Variants in SDCCAG8 observed in about 807,000 individuals in gnomAD.
SDCCAG8 encodes SHH signaling and ciliogenesis regulator SDCCAG8.
In SDCCAG8, 74 loss-of-function variants were observed where a neutral mutation model predicts 101.8. The observed-to-expected ratio is 0.73, with a 90% CI of 0.60 to 0.88. SDCCAG8 has a LOEUF of 0.88. SDCCAG8 is among the 40% of genes least tolerant of loss of function. SDCCAG8 has a pLI of 0.00. For synonymous variants in SDCCAG8, 281 were observed against 292.9 expected, an observed-to-expected ratio of 0.96 and a Z score of 0.41; for missense variants, 787 against 822.6, an observed-to-expected ratio of 0.96 and a Z score of 0.53.
intron 17 of SDCCAG8, among the ~76,000 whole-genome samples, chr1:243,495,853 T>C (rs76578705): frequency 0.014 from 2,158 of 152,258 alleles, 58 homozygotes; most frequent in African/African-American, 0.048. Context: ...TCCGTAGATA[T>C]CAAACTGGCT....
At chr1:243,483,952 C>A (rs1030829674) in intron 16 of SDCCAG8, among the ~76,000 whole-genome samples, 1 of 152,308 alleles carries the variant, frequency 6.6e-6, no homozygotes, top group East Asian at 1.9e-4. Flanking sequence ...CTTTGCCAAC[C>A]CTTCCCAGGC....
At chr1:243,432,398 G>C (rs1343015695) in intron 16 of SDCCAG8, among the ~76,000 whole-genome samples, 2 of 152,174 alleles carry the variant, frequency 1.3e-5, no homozygotes, top group Admixed American at 1.3e-4. Flanking sequence ...GGTGGAAGAA[G>C]GGAGAGGATC....
intron 10 of SDCCAG8, among the ~76,000 whole-genome samples, chr1:243,338,199 G>A (rs2075141874): frequency 1.3e-5 from 2 of 152,158 alleles, no homozygotes; most frequent in East Asian, 3.9e-4. Context: ...CCAAGCATGA[G>A]CCACAGTGCC....
intron 8 of SDCCAG8, among the ~76,000 whole-genome samples, chr1:243,311,960 C>T (rs2072768007): frequency 6.6e-6 from 1 of 152,182 alleles, no homozygotes; most frequent in African/African-American, 2.4e-5. Flanking sequence ...GAGCTCTTAG[C>T]CTCTTAAAGT....
intron 13 of SDCCAG8, among the ~76,000 whole-genome samples, chr1:243,399,691 G>C (rs1169730765): frequency 6.6e-6 from 1 of 152,016 alleles, no homozygotes; most frequent in Non-Finnish European, 1.5e-5. Context: ...AATTTTAGTA[G>C]AGACGAGATT....
chr1:243,408,070 AAATT>A (rs1180162519), intron 13 of SDCCAG8, among the ~76,000 whole-genome samples: 1 of 152,230 alleles, frequency 6.6e-6, no homozygotes, highest in Non-Finnish European at 1.5e-5. Flanking sequence ...TAATAATAAT[AAATT>A]CTTGCAAAAA....
chr1:243,439,116 T>C (rs2082350236), intron 16 of SDCCAG8, among the ~76,000 whole-genome samples: 1 of 152,302 alleles, frequency 6.6e-6, no homozygotes, highest in Middle Eastern at 3.4e-3. Flanking sequence ...TGTGATAATG[T>C]GTTACAATAC....
At chr1:243,405,523 TC>T (rs1346591398) in intron 13 of SDCCAG8, among the ~76,000 whole-genome samples, 1 of 152,176 alleles carries the variant, frequency 6.6e-6, no homozygotes, top group Non-Finnish European at 1.5e-5. Flanking sequence ...TGAGCAACGA[TC>T]CATAGGCACT....
chr1:243,348,296 G>A (rs908365006), intron 12 of SDCCAG8, among the ~76,000 whole-genome samples: 1 of 149,378 alleles, frequency 6.7e-6, no homozygotes, highest in Admixed American at 6.7e-5. Context: ...TTGATCCGCC[G>A]GCCTCGGCCT....
At chr1:243,393,461 T>G (rs1158656987) in intron 13 of SDCCAG8, among the ~76,000 whole-genome samples, 1 of 150,038 alleles carries the variant, frequency 6.7e-6, no homozygotes, top group Non-Finnish European at 1.5e-5. Context: ...GATAAGACCT[T>G]GCAATGTCTT....
Position 243,270,152 on chromosome 1 carries a change from G to A in SDCCAG8, c.115G>A (p.Gly39Ser), listed in dbSNP as rs756642876. ...CCAACTGACATGTGCCCTGAAAGAA[G>A]GCGATGTCACTATTGGAGAAGATGC... ...IHQLTCALKE[G>S]DVTIGEDAPN... Residue 39 changes from glycine (G) to serine (S), a missense_variant, in exon 2 of 18, where the codon GGC becomes AGC. Gly to Ser is a moderately conservative substitution (Grantham distance 56). Coordinates refer to ENST00000366541, the MANE Select transcript of SDCCAG8 (RefSeq NM_006642.5). The A allele has an allele frequency of 6.2e-7, 1 of 1,614,072 alleles. No individual in the cohort carries two copies. The highest frequency in any genetic ancestry group is 1.3e-5 in the African/African-American group (1 of 74,930).
chr1:243,335,783 C>CCACT (rs34717986), intron 10 of SDCCAG8, among the ~76,000 whole-genome samples: 40,697 of 151,758 alleles, frequency 0.27, 5,534 homozygotes, highest in South Asian at 0.46. Context: ...AACCCCTACC[C>CCACT]CACTCCCTCC....
chr1:243,490,278 C>T (rs926959317), intron 17 of SDCCAG8, among the ~76,000 whole-genome samples: 2 of 152,220 alleles, frequency 1.3e-5, no homozygotes, highest in African/African-American at 4.8e-5. Context: ...GGTGGAAATG[C>T]CTCTACTGTC....
At chr1:243,375,401 A>G (rs1278486440) in intron 12 of SDCCAG8, among the ~76,000 whole-genome samples, 1 of 152,136 alleles carries the variant, frequency 6.6e-6, no homozygotes, top group South Asian at 2.1e-4. Context: ...AATCAACAAT[A>G]AAAAGAAAGT....
chr1:243,420,241 C>A (rs2080898835), intron 15 of SDCCAG8, among the ~76,000 whole-genome samples: 1 of 152,154 alleles, frequency 6.6e-6, no homozygotes, highest in African/African-American at 2.4e-5. Context: ...GCTTCTCCTT[C>A]TGTAAAAACA....
intron 13 of SDCCAG8, among the ~76,000 whole-genome samples, chr1:243,399,656 A>G (rs938278481): frequency 3.3e-5 from 5 of 151,988 alleles, no homozygotes; most frequent in Admixed American, 6.6e-5. Context: ...ACAGGCGTGC[A>G]CCATCACACT....
intron 3 of SDCCAG8, among the ~76,000 whole-genome samples, chr1:243,271,763 C>T (rs867955501): frequency 1.1e-4 from 17 of 152,104 alleles, no homozygotes; most frequent in Admixed American, 2.6e-4. Flanking sequence ...AGGCTGGTCT[C>T]GAACTCTGAA....
At position 243,465,664 on chromosome 1, in the gene SDCCAG8, G is replaced by T. The variant is rs1329639027; in HGVS notation, c.1986-23350G>T. On this transcript the variant is annotated intron_variant, in intron 16 of 17. Transcript: ENST00000366541. ...TTAGGTGTCACAGATACCCATGATA[G>T]GATCGTTTTTCAGACACTATAATTT... is the stretch of plus-strand genomic sequence containing the variant. Among the ~76,000 whole-genome samples the T allele has an allele frequency of 2.6e-5, 4 of 152,226 alleles. No individual in the cohort carries two copies. The South Asian group carries it at 6.2e-4, about 24-fold the overall frequency.
intron 4 of SDCCAG8, among the ~76,000 whole-genome samples, chr1:243,278,062 C>A (rs1391951336): frequency 6.6e-6 from 1 of 152,160 alleles, no homozygotes; most frequent in Non-Finnish European, 1.5e-5. Context: ...TGTGTTGGAT[C>A]TATTGATCAA....
Sources: allele counts gnomAD v4.1 joint callset (sites outside exome capture counted in the v4.1 genomes callset), GRCh38; gene constraint gnomAD v4.1.1; transcripts MANE v1.5; gene names NCBI Gene and HGNC (gene_info 2026-07-23, HGNC 2026-07-21).